The following STK40 variants were observed in gnomAD, a reference collection of about 807,000 sequenced individuals.
The protein encoded by STK40 is serine/threonine kinase 40.
In STK40, 13 loss-of-function variants were observed where a neutral mutation model predicts 47.9. The observed-to-expected ratio is 0.27, with a 90% CI of 0.18 to 0.43. The LOEUF is 0.43. STK40 is among the 20% of genes least tolerant of loss of function. The probability of loss-of-function intolerance (pLI) is 1.00; values close to 1 mark genes in which losing one functional copy is unlikely to be tolerated. For missense variants in STK40, 460 were observed against 595.1 expected, an observed-to-expected ratio of 0.77 and a Z score of 2.36; for synonymous variants, 225 against 243.2, an observed-to-expected ratio of 0.93 and a Z score of 0.69.
At chr1:36,372,603 C>T (rs1425752474) in intron 1 of STK40, 5 of 152,222 alleles carry the variant, frequency 3.3e-5, no homozygotes, top group Admixed American at 3.3e-4. Context: ...TGCCCCTTCT[C>T]CACCCAATGT....
At position 36,345,996 on chromosome 1, in the gene STK40, T is replaced by A. The variant is rs1456110174; in HGVS notation, c.740-1732A>T. Reference sequence around the variant, plus strand: ...ATATATATATATATATATATATTTTTTTTTTTTTTTTTTCCTGAGACAGAG... The same window carrying A: ...ATATATATATATATATATATATTTTATTTTTTTTTTTTTCCTGAGACAGAG... On this transcript the variant is annotated intron_variant, in intron 7 of 10. Transcript: ENST00000373132. Among the ~76,000 whole-genome samples the A allele has an allele frequency of 2.7e-3, 261 of 95,930 alleles. 3 individuals carry two copies. Among genetic ancestry groups the A allele is most frequent in the East Asian group, 0.01 (43 of 4,210 alleles). 62.9% of individuals were successfully genotyped at this position (95,930 alleles called of 152,430 possible). A position where few individuals can be genotyped will look rare whatever the true frequency, so the allele number is the denominator to read the frequency against.
chr1:36,360,145 TGCCTGGCAAACAGCACAG>T lies in STK40; in HGVS notation c.112+1058_112+1075del, dbSNP rs569082488. On this transcript the variant is annotated intron_variant, in intron 2 of 10. Coordinates refer to ENST00000373132, the MANE Select transcript of STK40 (RefSeq NM_001282547.2). ...GGAACTTGTCTTATTCACTGCTGCA[TGCCTGGCAAACAGCACAG>T]GCCTGGCAAACAGCACAGGCCTGGC... Among the ~76,000 whole-genome samples the T allele has an allele frequency of 6.8e-3, 1,034 of 152,316 alleles. 12 individuals carry two copies. Among genetic ancestry groups the T allele is most frequent in the African/African-American group, 0.023 (946 of 41,572 alleles).
At position 36,358,769 on chromosome 1, in the gene STK40, T is replaced by G. The variant is rs139903300; in HGVS notation, c.166A>C (p.Lys56Gln). The change falls in exon 3 of 11, where the codon AAA becomes CAA. Residue 56 changes from lysine to glutamine, a missense_variant. Lys to Gln is a moderately conservative substitution (Grantham distance 53). Around this residue, in one of 3 missense-constraint regions of STK40, gnomAD observed 277 missense variants for 358.7 expected, o/e 0.77. Coordinates refer to ENST00000373132, the MANE Select transcript of STK40 (RefSeq NM_001282547.2). ...TGATAGAAGTCATCCGTGCCATCTT[T>G]CCTCGCCAAACACTGCACTATGCTT... ...VPSIVQCLARKDGTDDFYQLK... is the reference protein window; with the variant it reads ...VPSIVQCLARQDGTDDFYQLK... 5 of 1,614,060 alleles carry G rather than the reference T, an allele frequency of 3.1e-6. No homozygotes were observed. In the East Asian group the frequency reaches 1.1e-4, roughly 36 times the overall value.
At position 36,341,851 on chromosome 1, in the gene STK40, G is replaced by A. The variant is rs3795499; in HGVS notation, c.1212C>T (p.Phe404=). ...DARSWVPKRQ[F]GSAPPVRRLG... Reference sequence around the variant, plus strand: ...GCCGTCGCACCGGTGGTGCGCTGCCGAACTGCCGCTTGGGTACCCAGCTCC... The same window carrying A: ...GCCGTCGCACCGGTGGTGCGCTGCCAAACTGCCGCTTGGGTACCCAGCTCC... The change falls in exon 11 of 11, where the codon TTC becomes TTT. Residue 404 remains phenylalanine (F), a synonymous_variant. Coordinates refer to ENST00000373132, the MANE Select transcript of STK40 (RefSeq NM_001282547.2). 12,869 of 1,613,782 alleles carry A rather than the reference G, an allele frequency of 8.0e-3. 504 individuals are homozygous for A. The East Asian group carries it at 0.12, about 16-fold the overall frequency.
At chr1:36,373,743 G>A (rs564465693) in intron 1 of STK40, among the ~76,000 whole-genome samples, 2 of 152,278 alleles carry the variant, frequency 1.3e-5, no homozygotes, top group South Asian at 2.1e-4. Context: ...TTTTTAAAAC[G>A]CAGGACATGT....
rs1570444776 is a variant in STK40 at position 36,355,365 on chromosome 1, G to A, written c.411C>T (p.Ile137=). 2 of 1,614,100 alleles carry A rather than the reference G, an allele frequency of 1.2e-6. No homozygotes were observed. Among genetic ancestry groups the A allele is most frequent in the African/African-American group, 1.3e-5 (1 of 74,946 alleles). Residue 137 remains isoleucine (I), a synonymous_variant, in exon 5 of 11, where the codon ATC becomes ATT. Transcript: ENST00000373132. ...SRMVKKMKKR[I]CLVLDCLCAH... Reference sequence around the variant, plus strand: ...CACAGAGGCAGTCCAGGACGAGGCAGATGCGCTTCTTCATCTTCTTAACCA... The same window carrying A: ...CACAGAGGCAGTCCAGGACGAGGCAAATGCGCTTCTTCATCTTCTTAACCA...
intron 5 of STK40, 100 bp from the exon 6 acceptor site, chr1:36,354,516 G>A (rs557110773): frequency 1.6e-6 from 2 of 1,252,942 alleles, no homozygotes; most frequent in African/African-American, 1.5e-5. Context: ...GAGAAGGCAG[G>A]AAAAATTCTA....
At chr1:36,342,601 G>A (rs780091134) in intron 10 of STK40, 3 of 158,292 alleles carry the variant, frequency 1.9e-5, no homozygotes, top group East Asian at 1.9e-4. Flanking sequence ...ACGCAGGCCC[G>A]CAGTGAGGGC....
In STK40 at chr1:36,343,398, T is replaced by C. The variant is rs1189164814; in HGVS notation, c.1055A>G (p.Asp352Gly). 3.1e-6 allele frequency: 5 copies of C among 1,613,572 alleles called. No homozygotes were observed. Among genetic ancestry groups the C allele is most frequent in the Non-Finnish European group, 4.2e-6 (5 of 1,179,826 alleles). ...GCTATCCGCATTGCTCATTTGGTCA[T>C]CAATGTCAGGAACCACTTGCAAAGG... ...SGPLQVVPDI[D>G]DQMSNADSSQ... Residue 352 changes from aspartate (D) to glycine (G), a missense_variant, in exon 10 of 11, where the codon GAT becomes GGT. Physicochemically the swap from Asp to Gly is moderately conservative, Grantham distance 94. This residue lies in a region of STK40 where 181 missense variants were observed against 218.9 expected (regional missense o/e 0.83). Transcript: ENST00000373132.
chr1:36,354,462 G>C (rs1345621435), intron 5 of STK40, 46 bp from the exon 6 acceptor site: 5 of 1,608,852 alleles, frequency 3.1e-6, no homozygotes, highest in Non-Finnish European at 4.3e-6. Context: ...TGTGAGAGGT[G>C]GGGTCAGGGC....
chr1:36,368,685 G>A (rs1646921015), intron 1 of STK40, among the ~76,000 whole-genome samples: 1 of 152,122 alleles, frequency 6.6e-6, no homozygotes, highest in Admixed American at 6.6e-5. Context: ...AAAAGCTGAA[G>A]AATGATTCTA....
chr1:36,358,664 G>A, intron 3 of STK40, 73 bp downstream of exon 3: 4 of 1,503,028 alleles, frequency 2.7e-6, no homozygotes, highest in Non-Finnish European at 9.2e-7. Flanking sequence ...AGGTGTGAAG[G>A]TGGAGGAGGG....
rs1646726582 is a variant in STK40 at position 36,348,803 on chromosome 1, T to C, written c.636A>G (p.Ile212Met). Residue 212 changes from isoleucine (I) to methionine (M), a missense_variant, in exon 7 of 11, where the codon ATA becomes ATG. Transcript: ENST00000373132. ...NMVLNKRTHR[I>M]TITNFCLGKH... ...TCCCGAGGCAGAAGTTGGTGATGGT[T>C]ATCCGATGTGTCCTAGGAGTGGGAG... is the stretch of plus-strand genomic sequence containing the variant. 6.2e-7 allele frequency: 1 copy of C among 1,605,018 alleles called. No homozygotes were observed. Among genetic ancestry groups the C allele is most frequent in the Admixed American group, 1.7e-5 (1 of 59,008 alleles).
intron 1 of STK40, among the ~76,000 whole-genome samples, chr1:36,368,554 C>T (rs1272038907): frequency 3.3e-5 from 5 of 152,170 alleles, no homozygotes; most frequent in Admixed American, 2.0e-4. Flanking sequence ...CCCCAATCTA[C>T]TCATGCTATT....
rs189483101 is a variant in STK40, at chr1:36,367,478, C to T, written c.-8-6138G>A. 1.2e-3 allele frequency among the ~76,000 whole-genome samples: 184 copies of T among 152,272 alleles called. 1 individual carries two copies. Among genetic ancestry groups the T allele is most frequent in the African/African-American group, 4.2e-3 (174 of 41,556 alleles). On this transcript the variant is annotated intron_variant, in intron 1 of 10. Coordinates refer to ENST00000373132, the MANE Select transcript of STK40 (RefSeq NM_001282547.2). ...TAAAGTCATCTCACCCTAAAGCTAC[C>T]AGGCAACGTGAGCCCAGATCTCCCA...
intron 6 of STK40, among the ~76,000 whole-genome samples, chr1:36,352,916 T>C (rs150492106): frequency 4.7e-4 from 72 of 152,324 alleles, no homozygotes; most frequent in African/African-American, 1.7e-3. Context: ...GCAGCTGAGG[T>C]GCACAGCATC....
chr1:36,340,614 C>G lies in STK40; in HGVS notation c.*1141G>C, dbSNP rs1204700164. On this transcript the variant is annotated 3_prime_UTR_variant, in exon 11 of 11. Coordinates refer to ENST00000373132, the MANE Select transcript of STK40 (RefSeq NM_001282547.2). ...GCATTTCTGGCAAGACGGGCATCCA[C>G]TTCAAAATCTCGGCTCAAAAGGGCA... The G allele has an allele frequency of 6.5e-6, 1 of 152,858 alleles. No homozygotes were observed. Among genetic ancestry groups the G allele is most frequent in the Non-Finnish European group, 1.5e-5 (1 of 68,204 alleles). The allele number at this position is 152,858 out of a possible 1,614,324, so 9.5% of individuals were successfully genotyped here. A position where few individuals can be genotyped will look rare whatever the true frequency, so the allele number is the denominator to read the frequency against.
At chr1:36,366,109 CTCTT>C (rs1646899421) in intron 1 of STK40, 1 of 152,404 alleles carries the variant, frequency 6.6e-6, no homozygotes, top group East Asian at 1.9e-4. Context: ...AGTAAGCCAC[CTCTT>C]TCTTTCCCAG....
At chr1:36,343,733 C>A in intron 9 of STK40, 127 bp downstream of exon 9, 1 of 1,426,400 alleles carries the variant, frequency 7.0e-7, no homozygotes. Context: ...CTTGTCCATG[C>A]AGAGAATCTG....
Sources: allele counts gnomAD v4.1 joint callset (sites outside exome capture counted in the v4.1 genomes callset), GRCh38; gene constraint gnomAD v4.1.1; regional missense constraint gnomAD v4.1.1; transcripts MANE v1.5; gene names NCBI Gene and HGNC (gene_info 2026-07-23, HGNC 2026-07-21).